RBFOX1: variants seen among roughly 807,000 people sequenced by gnomAD.
The protein encoded by RBFOX1 is RNA binding protein fox-1 homolog 1.
RBFOX1 carries 8 observed loss-of-function variants against 57.7 expected under a neutral mutation model. The observed-to-expected ratio is 0.14, with a 90% CI of 0.08 to 0.25. The LOEUF is 0.25. Ranked by LOEUF, RBFOX1 falls within the 10% of genes least tolerant of loss-of-function variation. RBFOX1 has a pLI of 1.00. For synonymous variants in RBFOX1, 326 were observed against 222.4 expected (o/e 1.47, Z -4.15); for missense variants, 611 against 548.5 (o/e 1.11, Z -1.14).
At position 7,117,241 on chromosome 16, in the gene RBFOX1, C is replaced by G. The variant is rs144167378; in HGVS notation, c.27+65143C>G. 5.2e-3 allele frequency among the ~76,000 whole-genome samples: 793 copies of G among 152,142 alleles called. 4 individuals are homozygous for G. Among genetic ancestry groups the G allele is most frequent in the Non-Finnish European group, 9.0e-3 (611 of 68,006 alleles). On this transcript the variant is annotated intron_variant, in intron 4 of 15. Transcript: ENST00000550418. ...CAAGGGCATTGACACATGTTAAACTCGGGAAAAACTGATCGTTTCATTGTA... is the reference window on the plus strand; with the variant it reads ...CAAGGGCATTGACACATGTTAAACTGGGGAAAAACTGATCGTTTCATTGTA...
chr16:6,080,399 G>A (rs937345925), intron 1 of RBFOX1, among the ~76,000 whole-genome samples: 4 of 152,104 alleles, frequency 2.6e-5, no homozygotes, highest in African/African-American at 9.7e-5. Context: ...TGACCTACTG[G>A]GACCACTTGG....
At chr16:6,412,082 A>G (rs1039644453) in intron 2 of RBFOX1, among the ~76,000 whole-genome samples, 3 of 151,372 alleles carry the variant, frequency 2.0e-5, no homozygotes, top group African/African-American at 7.3e-5. Context: ...GCAGTGAGCC[A>G]AGATCGTGCC....
intron 4 of RBFOX1, among the ~76,000 whole-genome samples, chr16:7,307,374 CAAA>C (rs2096214552): frequency 6.6e-6 from 1 of 152,164 alleles, no homozygotes; most frequent in Admixed American, 6.5e-5. Context: ...CTCATAAAAA[CAAA>C]AATCAATTGG....
intron 2 of RBFOX1, among the ~76,000 whole-genome samples, chr16:6,644,080 C>T (rs189886106): frequency 5.3e-5 from 8 of 152,174 alleles, no homozygotes; most frequent in African/African-American, 1.9e-4. Flanking sequence ...GAGCCAAGAT[C>T]ACCCTACTGC....
chr16:7,076,535 C>G (rs2058330276), intron 4 of RBFOX1, among the ~76,000 whole-genome samples: 1 of 152,126 alleles, frequency 6.6e-6, no homozygotes, highest in African/African-American at 2.4e-5. Flanking sequence ...TATCCCTTCT[C>G]ACTTGACTCA....
At chr16:6,524,458 C>G (rs78244166) in intron 2 of RBFOX1, among the ~76,000 whole-genome samples, 2,182 of 152,286 alleles carry the variant, frequency 0.014, 42 homozygotes, top group African/African-American at 0.049. Flanking sequence ...GTTCTACAAA[C>G]TCACTTTCGA....
chr16:7,075,501 C>G (rs2058124123), intron 4 of RBFOX1, among the ~76,000 whole-genome samples: 9 of 152,092 alleles, frequency 5.9e-5, no homozygotes, highest in Non-Finnish European at 1.5e-5. Flanking sequence ...TTTGGCTTCT[C>G]TTTAAAACAA....
chr16:6,126,861 C>T (rs904292693), intron 1 of RBFOX1, among the ~76,000 whole-genome samples: 1 of 152,186 alleles, frequency 6.6e-6, no homozygotes, highest in African/African-American at 2.4e-5. Context: ...ATGAGGCTTA[C>T]ACTCTCCTGA....
intron 2 of RBFOX1, among the ~76,000 whole-genome samples, chr16:6,404,958 A>G (rs1321938462): frequency 6.6e-6 from 1 of 152,170 alleles, no homozygotes; most frequent in Admixed American, 6.5e-5. Context: ...AATGCCTTCT[A>G]TTTCTTCCCA....
chr16:7,630,076 G>T (rs1297281424), intron 10 of RBFOX1, among the ~76,000 whole-genome samples: 1 of 152,024 alleles, frequency 6.6e-6, no homozygotes, highest in Non-Finnish European at 1.5e-5. Flanking sequence ...CAACATGTAT[G>T]CTTACTATTG....
intron 4 of RBFOX1, among the ~76,000 whole-genome samples, chr16:6,002,237 A>G (rs2152330295): frequency 6.6e-6 from 1 of 152,118 alleles, no homozygotes; most frequent in East Asian, 1.9e-4. Flanking sequence ...CCAGCCTGCC[A>G]AAGTTCTCAT....
chr16:6,941,319 C>CTTCCTTCT (rs2078460731), intron 3 of RBFOX1, among the ~76,000 whole-genome samples: 1 of 132,666 alleles, frequency 7.5e-6, no homozygotes, highest in South Asian at 2.8e-4. Flanking sequence ...TCCTTCCTTC[C>CTTCCTTCT]TTCCTTCCTT....
chr16:7,034,952 G>A (rs1445332970), intron 3 of RBFOX1, among the ~76,000 whole-genome samples: 3 of 144,220 alleles, frequency 2.1e-5, no homozygotes, highest in Non-Finnish European at 3.0e-5. Context: ...CGGTTCTATC[G>A]ATTCTCATTC....
intron 4 of RBFOX1, among the ~76,000 whole-genome samples, chr16:7,475,225 G>A (rs2062401464): frequency 6.6e-6 from 1 of 152,162 alleles, no homozygotes; most frequent in East Asian, 1.9e-4. Context: ...GAACAAAAGG[G>A]AGGAGTGTGT....
intron 3 of RBFOX1, among the ~76,000 whole-genome samples, chr16:6,678,653 A>G (rs751531268): frequency 6.6e-6 from 1 of 151,558 alleles, no homozygotes; most frequent in African/African-American, 2.4e-5. Context: ...GGGAAATGAC[A>G]CTTCTAAGAC....
At chr16:6,034,431 C>T (rs2095337017) in intron 1 of RBFOX1, among the ~76,000 whole-genome samples, 2 of 147,614 alleles carry the variant, frequency 1.4e-5, no homozygotes, top group South Asian at 4.4e-4. Flanking sequence ...AGTCCATGAT[C>T]AAGGTGTGGC....
chr16:6,888,484 A>T lies in RBFOX1; in HGVS notation c.-15-163573A>T, dbSNP rs114299514. Among the ~76,000 whole-genome samples, 580 of 152,216 alleles carry T rather than the reference A, an allele frequency of 3.8e-3. 5 individuals are homozygous for T. The highest frequency in any genetic ancestry group is 0.013 in the African/African-American group (548 of 41,516). ...GGGTTTCATTTTCGGTTCAGGGGGA[A>T]ATTAAATTCCCTTGCAATTGCACTC... On this transcript the variant is annotated intron_variant, in intron 3 of 15. Transcript: ENST00000550418.
intron 2 of RBFOX1, among the ~76,000 whole-genome samples, chr16:6,341,303 A>C (rs1344380134): frequency 6.6e-6 from 1 of 152,138 alleles, no homozygotes; most frequent in East Asian, 1.9e-4. Flanking sequence ...CGACAATGGC[A>C]GGTTGAGTCT....
chr16:5,681,222 T>C (rs933225599), intron 3 of RBFOX1, among the ~76,000 whole-genome samples: 38 of 150,040 alleles, frequency 2.5e-4, no homozygotes, highest in Admixed American at 6.7e-5. Context: ...CACAGGTGCC[T>C]GCCACCATGC....
Sources: gnomAD v4.1 joint callset for allele counts (sites outside exome capture counted in the v4.1 genomes callset) on GRCh38, gnomAD v4.1.1 for gene constraint, MANE v1.5 for transcripts, NCBI Gene and HGNC (gene_info 2026-07-23, HGNC 2026-07-21) for gene names.